Variants in AUTS2 observed in about 807,000 individuals in gnomAD.
AUTS2 encodes the protein activator of transcription and developmental regulator AUTS2, also known as autism susceptibility gene 2 protein.
Under a neutral mutation model 112.4 loss-of-function variants are expected in AUTS2, and 17 were observed. That is an observed-to-expected ratio of 0.15 (90% CI 0.10 to 0.23). AUTS2 has a LOEUF of 0.23. Ranked by LOEUF, AUTS2 falls within the 10% of genes least tolerant of loss-of-function variation. The pLI is 1.00. For missense variants in AUTS2, 1,510 were observed against 1,701.6 expected (o/e 0.89, Z 1.98); for synonymous variants, 751 against 702.7 (o/e 1.07, Z -1.09).
intron 5 of AUTS2, among the ~76,000 whole-genome samples, chr7:70,464,200 C>T (rs2115671077): frequency 6.6e-6 from 1 of 152,288 alleles, no homozygotes. Context: ...TGATATTGCT[C>T]TTCTGGAACT....
chr7:69,979,254 G>A (rs891342888), intron 2 of AUTS2, among the ~76,000 whole-genome samples: 4 of 152,212 alleles, frequency 2.6e-5, no homozygotes, highest in African/African-American at 9.6e-5. Flanking sequence ...GTAGAATCCA[G>A]ACAGGGAAGA....
At chr7:70,629,544 A>G (rs1334725709) in intron 5 of AUTS2, among the ~76,000 whole-genome samples, 1 of 151,796 alleles carries the variant, frequency 6.6e-6, no homozygotes, top group Non-Finnish European at 1.5e-5. Flanking sequence ...GCCAACATAC[A>G]TGGTAGGGCC....
intron 5 of AUTS2, among the ~76,000 whole-genome samples, chr7:70,683,162 T>A (rs957971108): frequency 5.3e-5 from 8 of 152,268 alleles, no homozygotes; most frequent in African/African-American, 1.9e-4. Context: ...TTTAGAATTT[T>A]GATTTTCAGG....
intron 1 of AUTS2, among the ~76,000 whole-genome samples, chr7:69,647,526 T>A (rs1795078994): frequency 6.6e-6 from 1 of 152,096 alleles, no homozygotes; most frequent in South Asian, 2.1e-4. Flanking sequence ...AGCTGATTTT[T>A]AAATTTTTTT....
Position 70,574,948 on chromosome 7 carries a change from T to G in AUTS2, c.691-123621T>G, listed in dbSNP as rs538839602. ...ACAGAGAGGTTGTTCATTTGTAGGC[T>G]TGTTGCCTTACTGTAGGAGTAGTTG... is the stretch of plus-strand genomic sequence containing the variant. On this transcript the variant is annotated intron_variant, in intron 5 of 18. Coordinates refer to ENST00000342771, the MANE Select transcript of AUTS2 (RefSeq NM_015570.4). 2.0e-5 allele frequency among the ~76,000 whole-genome samples: 3 copies of G among 152,354 alleles called. No individual in the cohort carries two copies. The East Asian group carries it at 5.8e-4, about 29-fold the overall frequency.
chr7:70,726,669 C>A (rs1181569827), intron 6 of AUTS2, among the ~76,000 whole-genome samples: 1 of 152,036 alleles, frequency 6.6e-6, no homozygotes, highest in African/African-American at 2.4e-5. Flanking sequence ...TTAAGAAATC[C>A]CAAGACCCTG....
intron 5 of AUTS2, among the ~76,000 whole-genome samples, chr7:70,451,498 T>C (rs1475744008): frequency 6.6e-6 from 1 of 152,116 alleles, no homozygotes; most frequent in Non-Finnish European, 1.5e-5. Flanking sequence ...TAACATAAAA[T>C]TTACCATCCT....
intron 1 of AUTS2, among the ~76,000 whole-genome samples, chr7:69,808,718 G>C (rs1191882802): frequency 1.3e-5 from 2 of 152,094 alleles, no homozygotes; most frequent in Non-Finnish European, 2.9e-5. Flanking sequence ...AGGAGCTGTA[G>C]CTCCTGATTA....
At chr7:69,765,183 A>G (rs578236816) in intron 1 of AUTS2, among the ~76,000 whole-genome samples, 15 of 152,196 alleles carry the variant, frequency 9.9e-5, no homozygotes, top group African/African-American at 1.4e-4. Flanking sequence ...AAAATTGTCA[A>G]CATAATTATT....
chr7:70,221,707 C>T (rs1045661918), intron 4 of AUTS2, among the ~76,000 whole-genome samples: 9 of 152,096 alleles, frequency 5.9e-5, no homozygotes, highest in South Asian at 2.1e-4. Context: ...GCCAACATGG[C>T]GAAACCTCGC....
intron 4 of AUTS2, among the ~76,000 whole-genome samples, chr7:70,416,738 C>T (rs973411578): frequency 2.6e-5 from 4 of 152,216 alleles, no homozygotes; most frequent in East Asian, 1.9e-4. Flanking sequence ...GCTGCGGTCA[C>T]GGTCCACTCC....
intron 4 of AUTS2, among the ~76,000 whole-genome samples, chr7:70,169,407 A>T (rs1808554674): frequency 1.3e-5 from 2 of 151,794 alleles, no homozygotes; most frequent in South Asian, 4.2e-4. Flanking sequence ...CACCTAGCTA[A>T]TTTTTTTGTA....
rs1407752423 is a variant in AUTS2, at chr7:69,972,666, CGTGCATGT to C, written c.522+73172_522+73179del. Among the ~76,000 whole-genome samples the C allele has an allele frequency of 3.9e-4, 52 of 131,886 alleles. 1 individual carries two copies. The highest frequency in any genetic ancestry group is 4.0e-3 in the Middle Eastern group (1 of 248). 86.5% of individuals were successfully genotyped at this position (131,886 alleles called of 152,430 possible). ...CAAAGTTTTTCTTTGTGTGTGTGTG[CGTGCATGT>C]GTGTGTGTGTGTGTGTGTGTGTGTG... On this transcript the variant is annotated intron_variant, in intron 2 of 18. Coordinates refer to ENST00000342771, the MANE Select transcript of AUTS2 (RefSeq NM_015570.4).
chr7:70,147,689 T>C (rs1474492124), intron 4 of AUTS2, among the ~76,000 whole-genome samples: 1 of 152,166 alleles, frequency 6.6e-6, no homozygotes, highest in Non-Finnish European at 1.5e-5. Flanking sequence ...ATTTAGCATA[T>C]AAGCCTTTTA....
chr7:70,149,049 ATACTT>A (rs1312679160), intron 4 of AUTS2, among the ~76,000 whole-genome samples: 1 of 152,088 alleles, frequency 6.6e-6, no homozygotes, highest in Non-Finnish European at 1.5e-5. Flanking sequence ...GAACAAAATA[ATACTT>A]TACTTCAAGA....
chr7:70,721,417 G>C (rs1201770173), intron 6 of AUTS2, among the ~76,000 whole-genome samples: 3 of 151,928 alleles, frequency 2.0e-5, no homozygotes, highest in African/African-American at 7.3e-5. Context: ...TCCTGCCTCA[G>C]CCTCCCGAGT....
chr7:70,235,946 G>C (rs1812306507), intron 4 of AUTS2, among the ~76,000 whole-genome samples: 1 of 152,080 alleles, frequency 6.6e-6, no homozygotes, highest in Non-Finnish European at 1.5e-5. Context: ...TCTTCACAGG[G>C]GCCCTCTTTG....
intron 1 of AUTS2, among the ~76,000 whole-genome samples, chr7:69,771,554 G>A (rs1206217960): frequency 6.6e-6 from 1 of 152,176 alleles, no homozygotes; most frequent in East Asian, 1.9e-4. Flanking sequence ...TATGTTGGTA[G>A]CACGGAAGAT....
intron 2 of AUTS2, among the ~76,000 whole-genome samples, chr7:70,003,560 G>T (rs1399436926): frequency 4.9e-5 from 6 of 121,868 alleles, no homozygotes; most frequent in Non-Finnish European, 9.4e-5. Flanking sequence ...TAATATATAT[G>T]AATATGTTAT....
Sources: gnomAD v4.1 joint callset for allele counts (sites outside exome capture counted in the v4.1 genomes callset) on GRCh38, gnomAD v4.1.1 for gene constraint, MANE v1.5 for transcripts, NCBI Gene and HGNC (gene_info 2026-07-23, HGNC 2026-07-21) for gene names.